The following NAA35 variants were observed in gnomAD, a reference collection of about 807,000 sequenced individuals.
NAA35 encodes N-alpha-acetyltransferase 35, NatC auxiliary subunit.
NAA35 carries 18 observed loss-of-function variants against 101.7 expected under a neutral mutation model. The ratio of observed to expected loss-of-function variants is 0.18; its 90% CI spans 0.12 to 0.26. The LOEUF (loss-of-function observed/expected upper bound fraction) is 0.26, where lower values mean the gene tolerates loss of function less well. NAA35 is among the 10% of genes least tolerant of loss of function. The pLI is 1.00. For synonymous variants in NAA35, 267 were observed against 273.1 expected, an observed-to-expected ratio of 0.98 and a Z score of 0.22; for missense variants, 601 against 886.8, an observed-to-expected ratio of 0.68 and a Z score of 4.09.
intron 6 of NAA35, among the ~76,000 whole-genome samples, chr9:85,971,679 C>T (rs1272894174): frequency 2.0e-5 from 3 of 152,176 alleles, no homozygotes; most frequent in Non-Finnish European, 4.4e-5. Flanking sequence ...TCTGCCCTTA[C>T]ACCTGCTCCT....
At chr9:86,009,408 G>A (rs1831799982) in intron 14 of NAA35, among the ~76,000 whole-genome samples, 1 of 152,148 alleles carries the variant, frequency 6.6e-6, no homozygotes, top group South Asian at 2.1e-4. Context: ...GAGAAGAGAT[G>A]ACGTGCCAAA....
chr9:86,017,477 C>T lies in NAA35; in HGVS notation c.1706-21C>T, dbSNP rs148987765. ...AGGAGGAAAAGATTATGGAAGATTACGTTTTTCTTTCTAATTACAGTTCGC... is the reference window on the plus strand; with the variant it reads ...AGGAGGAAAAGATTATGGAAGATTATGTTTTTCTTTCTAATTACAGTTCGC... On this transcript the variant is annotated intron_variant, in intron 18 of 22. Transcript: ENST00000361671. 2.3e-3 allele frequency: 3,672 copies of T among 1,609,470 alleles called. 76 individuals are homozygous for T. In the South Asian group the frequency reaches 0.027, roughly 12 times the overall value.
At chr9:85,993,500 G>A (rs1192803637) in intron 11 of NAA35, among the ~76,000 whole-genome samples, 1 of 152,180 alleles carries the variant, frequency 6.6e-6, no homozygotes, top group Non-Finnish European at 1.5e-5. Context: ...ACAGGAAGAA[G>A]TTCCTTGGTT....
chr9:85,958,158 C>A (rs1293587583), intron 3 of NAA35, among the ~76,000 whole-genome samples: 1 of 152,146 alleles, frequency 6.6e-6, no homozygotes, highest in Non-Finnish European at 1.5e-5. Context: ...TCAGGCTGGT[C>A]TTGAACTCCC....
chr9:85,966,113 AT>A (rs1439525365), intron 6 of NAA35, among the ~76,000 whole-genome samples: 1 of 151,656 alleles, frequency 6.6e-6, no homozygotes, highest in Non-Finnish European at 1.5e-5. Flanking sequence ...CTAATTTTTA[AT>A]TTTTTTTGTA....
intron 12 of NAA35, 121 bp downstream of exon 12, chr9:85,996,698 C>A: frequency 1.5e-6 from 1 of 681,864 alleles, no homozygotes; most frequent in Non-Finnish European, 2.3e-6. Flanking sequence ...GCTTTATAGA[C>A]ATTGACCAAG....
At chr9:85,942,118 C>A in intron 1 of NAA35, 37 bp from the exon 2 acceptor site, 1 of 1,596,672 alleles carries the variant, frequency 6.3e-7, no homozygotes, top group Non-Finnish European at 8.5e-7. Context: ...GCCCTGAAAG[C>A]TACATCCTCT....
chr9:85,994,097 A>G (rs1831056986), intron 11 of NAA35, among the ~76,000 whole-genome samples: 1 of 152,118 alleles, frequency 6.6e-6, no homozygotes, highest in African/African-American at 2.4e-5. Flanking sequence ...ACTAGGGTAT[A>G]ATATTTATTG....
chr9:86,016,479 T>C, intron 17 of NAA35, 60 bp from the exon 18 acceptor site: 1 of 1,444,926 alleles, frequency 6.9e-7, no homozygotes, highest in Non-Finnish European at 9.6e-7. Flanking sequence ...TTAATATATG[T>C]GTTGATAAAG....
intron 2 of NAA35, among the ~76,000 whole-genome samples, chr9:85,950,601 T>A (rs1203382330): frequency 6.6e-6 from 1 of 152,164 alleles, no homozygotes; most frequent in Non-Finnish European, 1.5e-5. Context: ...ATTTTACAGA[T>A]GAGGAAACCA....
intron 2 of NAA35, among the ~76,000 whole-genome samples, chr9:85,949,832 A>G (rs1347149063): frequency 1.3e-5 from 2 of 151,902 alleles, no homozygotes; most frequent in African/African-American, 2.4e-5. Flanking sequence ...AAACAGTATC[A>G]TGTTACTGTT....
In NAA35 at chr9:86,003,577, T is replaced by C. The variant is rs574248626; in HGVS notation, c.1057-8T>C. The C allele has an allele frequency of 1.3e-6, 2 of 1,568,638 alleles. No individual in the cohort carries two copies. The highest frequency in any genetic ancestry group is 1.1e-5 in the South Asian group (1 of 87,282). ...AATGACATTGCTTTTTCTTTATATA[T>C]CTGTTAGGATTTTTTCTGTGAATTT... On this transcript the variant is annotated splice_region_variant and splice_polypyrimidine_tract_variant and intron_variant, in intron 12 of 22. Transcript: ENST00000361671.
chr9:85,960,363 TC>T (rs552834407), intron 5 of NAA35, among the ~76,000 whole-genome samples: 328 of 152,132 alleles, frequency 2.2e-3, no homozygotes, highest in African/African-American at 7.5e-3. Flanking sequence ...TTCTACTGCT[TC>T]CCCCCCGCCC....
At chr9:85,998,534 A>G (rs2118283865) in intron 12 of NAA35, among the ~76,000 whole-genome samples, 1 of 152,320 alleles carries the variant, frequency 6.6e-6, no homozygotes. Flanking sequence ...GCTGCTAGGT[A>G]CACTTTTAAC....
chr9:85,976,100 G>A (rs901034843), intron 8 of NAA35, among the ~76,000 whole-genome samples: 1 of 152,116 alleles, frequency 6.6e-6, no homozygotes. Context: ...ACAGATCAAA[G>A]GAGTTAAATA....
intron 13 of NAA35, among the ~76,000 whole-genome samples, chr9:86,005,798 T>C (rs1024689425): frequency 6.6e-6 from 1 of 152,104 alleles, no homozygotes; most frequent in African/African-American, 2.4e-5. Flanking sequence ...ATATTAAATA[T>C]TCAAATTCAA....
intron 11 of NAA35, 101 bp downstream of exon 11, chr9:85,978,482 TTGGGA>T (rs1166157363): frequency 5.5e-6 from 4 of 723,278 alleles, no homozygotes; most frequent in Non-Finnish European, 9.6e-6. Flanking sequence ...GTCTTGTACC[TTGGGA>T]TGTTTTAATC....
chr9:86,021,968 T>G lies in NAA35; in HGVS notation c.*8T>G. The stretch of plus-strand genomic sequence containing the variant: ...GTTGTGAAACTTGTTTGAGAGAGAC[T>G]GGGGAGGTGGCCATAAAGGGGCAGA... On this transcript the variant is annotated 3_prime_UTR_variant, in exon 23 of 23. Transcript: ENST00000361671. The G allele has an allele frequency of 6.2e-7, 1 of 1,612,400 alleles. No individual in the cohort carries two copies. The highest frequency in any genetic ancestry group is 8.5e-7 in the Non-Finnish European group (1 of 1,178,810).
chr9:85,969,488 C>T (rs1216617949), intron 6 of NAA35, among the ~76,000 whole-genome samples: 18 of 152,140 alleles, frequency 1.2e-4, no homozygotes, highest in Admixed American at 1.2e-3. Context: ...TCTAGCAATT[C>T]TTCCCTGTGT....
Sources: gnomAD v4.1 joint callset for allele counts (sites outside exome capture counted in the v4.1 genomes callset) on GRCh38, gnomAD v4.1.1 for gene constraint, MANE v1.5 for transcripts, NCBI Gene and HGNC (gene_info 2026-07-23, HGNC 2026-07-21) for gene names.